Variants in SLC40A1 observed in about 807,000 individuals in gnomAD.
The protein encoded by SLC40A1 is ferroportin.
SLC40A1 carries 16 observed loss-of-function variants against 53.5 expected under a neutral mutation model. The ratio of observed to expected loss-of-function variants is 0.30; its 90% CI spans 0.20 to 0.45. The LOEUF (loss-of-function observed/expected upper bound fraction) is 0.45, where lower values mean the gene tolerates loss of function less well. Among genes scored for constraint, SLC40A1 ranks in the 20% least tolerant of loss-of-function variants. The pLI is 1.00. For missense variants in SLC40A1, 545 were observed against 695.4 expected (o/e 0.78, Z 2.43); for synonymous variants, 247 against 253.2 (o/e 0.98, Z 0.23).
At chr2:189,578,006 T>C (rs959235931) in intron 2 of SLC40A1, among the ~76,000 whole-genome samples, 1 of 152,154 alleles carries the variant, frequency 6.6e-6, no homozygotes, top group South Asian at 2.1e-4. Context: ...ATAAAAGGCA[T>C]TCAACCCCAC....
At chr2:189,571,090 T>G (rs950800314) in intron 5 of SLC40A1, among the ~76,000 whole-genome samples, 2 of 152,210 alleles carry the variant, frequency 1.3e-5, no homozygotes, top group African/African-American at 4.8e-5. Context: ...TAGGACATGT[T>G]GCCTTGTAAG....
Position 189,562,072 on chromosome 2 carries a change from A to G in SLC40A1, c.1522T>C (p.Phe508Leu). The G allele has an allele frequency of 6.2e-7, 1 of 1,614,158 alleles. No individual in the cohort carries two copies. Among genetic ancestry groups the G allele is most frequent in the Non-Finnish European group, 8.5e-7 (1 of 1,179,996 alleles). ...SMNYLLDLLH[F>L]IMVILAPNPE... ...TTTGGAGCCAGGATGACCATGATGA[A>G]ATGCAGAAGATCAAGAAGATAGTTC... is the stretch of plus-strand genomic sequence containing the variant. Residue 508 changes from phenylalanine to leucine, a missense_variant, in exon 8 of 8, where the codon TTC (phenylalanine) becomes CTC (leucine). Phe to Leu is a conservative substitution (Grantham distance 22). Coordinates refer to ENST00000261024, the MANE Select transcript of SLC40A1 (RefSeq NM_014585.6).
Position 189,571,828 on chromosome 2 carries a change from A to G in SLC40A1, c.401T>C (p.Ile134Thr). The G allele has an allele frequency of 6.2e-7, 1 of 1,609,190 alleles. No homozygotes were observed. Among genetic ancestry groups the G allele is most frequent in the Non-Finnish European group, 8.5e-7 (1 of 1,175,568 alleles). Residue 134 changes from isoleucine (I) to threonine (T), a missense_variant, in exon 5 of 8, where the codon ATC becomes ACC. Coordinates refer to ENST00000261024, the MANE Select transcript of SLC40A1 (RefSeq NM_014585.6). ...AATATTTGCAATAGTGATGATCAGGATATAGCAGGAAGTCTAAAGAATGAC... is the reference window on the plus strand; with the variant it reads ...AATATTTGCAATAGTGATGATCAGGGTATAGCAGGAAGTCTAAAGAATGAC... ...YHGWVLTSCY[I>T]LIITIANIAN...
Position 189,575,176 on chromosome 2 carries a change from T to G in SLC40A1, c.256A>C (p.Asn86His). The change falls in exon 3 of 8, where the codon AAT (asparagine) becomes CAT (histidine). Residue 86 changes from asparagine to histidine, a missense_variant. By Grantham distance (68) the Asn-to-His change is moderately conservative. This residue lies in a region of SLC40A1 where 197 missense variants were observed against 278.8 expected (regional missense o/e 0.71). Transcript: ENST00000261024. ...CAACACTCACCTTTAAGTCTAGCAT[T>G]CTTGTCCACCCAGTCACCGATGATG... ...GAIIGDWVDKNARLKVAQTSL... is the reference protein window; with the variant it reads ...GAIIGDWVDKHARLKVAQTSL... The G allele has an allele frequency of 6.2e-7, 1 of 1,614,068 alleles. No individual in the cohort carries two copies. The highest frequency in any genetic ancestry group is 8.5e-7 in the Non-Finnish European group (1 of 1,179,942).
chr2:189,573,732 C>T (rs924288950), intron 3 of SLC40A1, among the ~76,000 whole-genome samples: 3 of 152,122 alleles, frequency 2.0e-5, no homozygotes, highest in Non-Finnish European at 4.4e-5. Flanking sequence ...AAAACACTTA[C>T]GAAAGCAGTT....
chr2:189,564,251 T>A (rs1438087754), intron 6 of SLC40A1, 26 bp from the exon 7 acceptor site: 1 of 1,608,760 alleles, frequency 6.2e-7, no homozygotes, highest in Non-Finnish European at 8.5e-7. Context: ...ACCATTATTT[T>A]GTTGGGGAGG....
chr2:189,571,933 T>C (rs1238411453), intron 4 of SLC40A1, 92 bp from the exon 5 acceptor site: 4 of 841,340 alleles, frequency 4.8e-6, no homozygotes, highest in Admixed American at 3.6e-5. Flanking sequence ...TAGTCTTTGG[T>C]GGAATGATAA....
At chr2:189,570,007 T>C (rs2031073152) in intron 5 of SLC40A1, among the ~76,000 whole-genome samples, 1 of 143,498 alleles carries the variant, frequency 7.0e-6, no homozygotes, top group Non-Finnish European at 1.5e-5. Flanking sequence ...TGTATGTATA[T>C]ATATATACAC....
rs370661977 is a variant in SLC40A1 at position 189,579,777 on chromosome 2, C to T, written c.111+36G>A. Reference sequence around the variant, plus strand: ...TAGAACGAAAGGAAATAAAAAATTGCGCAACTGTGTTGTAAGACTATGCAT... The same window carrying T: ...TAGAACGAAAGGAAATAAAAAATTGTGCAACTGTGTTGTAAGACTATGCAT... On this transcript the variant is annotated intron_variant, in intron 2 of 7. Coordinates refer to ENST00000261024, the MANE Select transcript of SLC40A1 (RefSeq NM_014585.6). 68 of 1,572,538 alleles carry T rather than the reference C, an allele frequency of 4.3e-5. 1 individual carries two copies. The Middle Eastern group carries it at 2.2e-3, about 50-fold the overall frequency.
chr2:189,574,908 T>C lies in SLC40A1; in HGVS notation c.271+253A>G, dbSNP rs2031242185. On this transcript the variant is annotated intron_variant, in intron 3 of 7. Transcript: ENST00000261024. The stretch of plus-strand genomic sequence containing the variant: ...CAGAGAAGTGCTACAAGGTTAATCA[T>C]TAACATATGAAATTTATGAACAGCC... Among the ~76,000 whole-genome samples, 3 of 152,184 alleles carry C rather than the reference T, an allele frequency of 2.0e-5. No individual in the cohort carries two copies. In the South Asian group the frequency reaches 6.2e-4, roughly 31 times the overall value.
intron 2 of SLC40A1, among the ~76,000 whole-genome samples, chr2:189,575,966 A>G (rs545026818): frequency 6.6e-6 from 1 of 152,350 alleles, no homozygotes; most frequent in African/African-American, 2.4e-5. Context: ...AAATAAACTT[A>G]AATGCCTAAG....
Position 189,562,120 on chromosome 2 carries a change from T to A in SLC40A1, c.1474A>T (p.Ile492Leu). ...TTCATGGAGTTCTGTACACCATTTA[T>A]AATGCCTCTTTCAGATTCAATTACA... ...ENVIESERGIINGVQNSMNYL... is the reference protein window; with the variant it reads ...ENVIESERGILNGVQNSMNYL... Residue 492 changes from isoleucine to leucine, a missense_variant, in exon 8 of 8, where the codon ATA becomes TTA. Physicochemically the swap from Ile to Leu is conservative, Grantham distance 5. Transcript: ENST00000261024. 6.2e-7 allele frequency: 1 copy of A among 1,613,966 alleles called. No individual in the cohort carries two copies. Among genetic ancestry groups the A allele is most frequent in the Non-Finnish European group, 8.5e-7 (1 of 1,179,856 alleles).
chr2:189,561,513 C>T lies in SLC40A1; in HGVS notation c.*365G>A, dbSNP rs1239550823. 1 of 182,360 alleles carries T rather than the reference C, an allele frequency of 5.5e-6. No homozygotes were observed. The highest frequency in any genetic ancestry group is 1.2e-5 in the Non-Finnish European group (1 of 86,684). The allele number at this position is 182,360 out of a possible 1,614,324, so 11.3% of individuals were successfully genotyped here. On this transcript the variant is annotated 3_prime_UTR_variant, in exon 8 of 8. Coordinates refer to ENST00000261024, the MANE Select transcript of SLC40A1 (RefSeq NM_014585.6). ...GAACAAGAGTGAGTTTTGCAGAAAA[C>T]TGACATATCTGAATTCTAGTACAGA...
chr2:189,566,909 A>G (rs2030956054), intron 5 of SLC40A1, among the ~76,000 whole-genome samples: 1 of 151,966 alleles, frequency 6.6e-6, no homozygotes, highest in African/African-American at 2.4e-5. Context: ...GAAAGGACCA[A>G]CTCTGTGGCC....
chr2:189,580,312 C>T (rs1359355712), intron 1 of SLC40A1, 106 bp downstream of exon 1: 1 of 1,158,198 alleles, frequency 8.6e-7, no homozygotes, highest in African/African-American at 1.5e-5. Flanking sequence ...TTTTACAAAG[C>T]TATGGTTCAC....
In SLC40A1 at chr2:189,561,813, G is replaced by T; in HGVS notation, c.*65C>A. 1 of 1,340,358 alleles carries T rather than the reference G, an allele frequency of 7.5e-7. No individual in the cohort carries two copies. Among genetic ancestry groups the T allele is most frequent in the Non-Finnish European group, 1.1e-6 (1 of 934,820 alleles). The allele number at this position is 1,340,358 out of a possible 1,614,324, so 83.0% of individuals were successfully genotyped here. A position where few individuals can be genotyped will look rare whatever the true frequency, so the allele number is the denominator to read the frequency against. On this transcript the variant is annotated 3_prime_UTR_variant, in exon 8 of 8. Coordinates refer to ENST00000261024, the MANE Select transcript of SLC40A1 (RefSeq NM_014585.6). ...ACACCCAGCCATTTATTGGAATTCT[G>T]CAGTACAAAATAAGCACATGTGCTC...
At chr2:189,566,264 AAGG>A (rs902959878) in intron 5 of SLC40A1, among the ~76,000 whole-genome samples, 4 of 152,332 alleles carry the variant, frequency 2.6e-5, no homozygotes, top group Admixed American at 6.5e-5. Context: ...ACCTCAAAAA[AAGG>A]AGAACGATAA....
chr2:189,579,660 T>C (rs1024472755), intron 2 of SLC40A1, among the ~76,000 whole-genome samples, 153 bp downstream of exon 2: 2 of 152,250 alleles, frequency 1.3e-5, no homozygotes, highest in African/African-American at 4.8e-5. Flanking sequence ...AGATCTTCGA[T>C]GTAAATAACG....
At chr2:189,580,047 C>T (rs1015128500) in intron 1 of SLC40A1, among the ~76,000 whole-genome samples, 167 bp from the exon 2 acceptor site, 1 of 152,200 alleles carries the variant, frequency 6.6e-6, no homozygotes, top group Admixed American at 6.5e-5. Flanking sequence ...GTATTTCGTT[C>T]ACTTAATACC....
Sources: allele counts gnomAD v4.1 joint callset (sites outside exome capture counted in the v4.1 genomes callset), GRCh38; gene constraint gnomAD v4.1.1; regional missense constraint gnomAD v4.1.1; transcripts MANE v1.5; gene names NCBI Gene and HGNC (gene_info 2026-07-23, HGNC 2026-07-21).